Variants in UNC5D observed in about 807,000 individuals in gnomAD.
The protein encoded by UNC5D is netrin receptor UNC5D.
In UNC5D, 39 loss-of-function variants were observed where a neutral mutation model predicts 105.4. The observed-to-expected ratio is 0.37, with a 90% CI of 0.29 to 0.48. UNC5D has a LOEUF of 0.48. UNC5D is among the 20% of genes least tolerant of loss of function. The probability of loss-of-function intolerance (pLI) is 0.98; values close to 1 mark genes in which losing one functional copy is unlikely to be tolerated. For missense variants in UNC5D, 991 were observed against 1,202.4 expected (o/e 0.82, Z 2.60); for synonymous variants, 452 against 450.4 (o/e 1.00, Z -0.04).
In UNC5D at chr8:35,600,108, C is replaced by T. The variant is rs190479502; in HGVS notation, c.570+4451C>T. Among the ~76,000 whole-genome samples, 465 of 152,218 alleles carry T rather than the reference C, an allele frequency of 3.1e-3. 3 individuals carry two copies. Among genetic ancestry groups the T allele is most frequent in the African/African-American group, 0.01 (422 of 41,544 alleles). ...GAGAATGATGGTTTCCAGCTTCATC[C>T]ATGTCCCTACAAAGGACATGAACTC... On this transcript the variant is annotated intron_variant, in intron 4 of 16. Transcript: ENST00000404895.
At chr8:35,324,127 T>C (rs1483914787) in intron 1 of UNC5D, among the ~76,000 whole-genome samples, 1 of 149,522 alleles carries the variant, frequency 6.7e-6, no homozygotes, top group Non-Finnish European at 1.5e-5. Context: ...GTACGTACTA[T>C]AGAGGTGATG....
chr8:35,766,946 G>A lies in UNC5D; in HGVS notation c.2358G>A (p.Leu786=). ...TGTGGTGCAGTAACCGGCAGCCCCT[G>A]CACTGTGCCTTCTCCCTGGAGCGTT... ...SRVWCSNRQP[L]HCAFSLERYT... is the part of the protein sequence containing the mutation. The change falls in exon 15 of 17, where the codon CTG becomes CTA. Residue 786 remains leucine, a synonymous_variant. Coordinates refer to ENST00000404895, the MANE Select transcript of UNC5D (RefSeq NM_080872.4). 6.2e-7 allele frequency: 1 copy of A among 1,614,052 alleles called. No homozygotes were observed. Among genetic ancestry groups the A allele is most frequent in the Non-Finnish European group, 8.5e-7 (1 of 1,179,962 alleles).
chr8:35,678,100 T>C (rs982604833), intron 4 of UNC5D, among the ~76,000 whole-genome samples: 6 of 152,110 alleles, frequency 3.9e-5, no homozygotes, highest in African/African-American at 1.2e-4. Context: ...ATAGTGCCTA[T>C]GAGTGATTGG....
intron 4 of UNC5D, among the ~76,000 whole-genome samples, chr8:35,680,956 A>T (rs1057272389): frequency 6.6e-6 from 1 of 152,216 alleles, no homozygotes; most frequent in African/African-American, 2.4e-5. Flanking sequence ...TTACCCCTGA[A>T]TTTCTGACCT....
intron 3 of UNC5D, among the ~76,000 whole-genome samples, chr8:35,572,300 A>C (rs1205642545): frequency 2.2e-5 from 3 of 139,486 alleles, no homozygotes; most frequent in Non-Finnish European, 3.1e-5. Context: ...AAAAAAAAAA[A>C]CCCACACAAA....
chr8:35,772,584 T>G (rs1347609), intron 15 of UNC5D, among the ~76,000 whole-genome samples: 9,034 of 152,216 alleles, frequency 0.059, 715 homozygotes, highest in African/African-American at 0.17. Flanking sequence ...CAGGCAAGTT[T>G]CTAAGACAAA....
chr8:35,604,290 C>T (rs1319048888), intron 4 of UNC5D, among the ~76,000 whole-genome samples: 1 of 152,108 alleles, frequency 6.6e-6, no homozygotes, highest in Non-Finnish European at 1.5e-5. Flanking sequence ...TTTTATTTCT[C>T]CTTCACTTAT....
chr8:35,486,204 T>C (rs1349140246), intron 1 of UNC5D, among the ~76,000 whole-genome samples: 1 of 152,206 alleles, frequency 6.6e-6, no homozygotes, highest in African/African-American at 2.4e-5. Context: ...TAGATATAAA[T>C]GCCATTTTGG....
intron 1 of UNC5D, among the ~76,000 whole-genome samples, chr8:35,345,432 G>C (rs150300577): frequency 1.3e-5 from 2 of 151,752 alleles, no homozygotes; most frequent in Non-Finnish European, 2.9e-5. Context: ...TGTCATATGG[G>C]GCATTTCTAG....
At chr8:35,335,786 C>A (rs372686905) in intron 1 of UNC5D, among the ~76,000 whole-genome samples, 17 of 78,406 alleles carry the variant, frequency 2.2e-4, no homozygotes, top group African/African-American at 7.6e-4. Context: ...TTTTTTGAGA[C>A]GGAGTGTCGC....
At chr8:35,397,514 G>A (rs984952218) in intron 1 of UNC5D, among the ~76,000 whole-genome samples, 2 of 152,092 alleles carry the variant, frequency 1.3e-5, no homozygotes, top group South Asian at 2.1e-4. Flanking sequence ...CTTGCTTGCC[G>A]GAAGTGTAAT....
intron 1 of UNC5D, among the ~76,000 whole-genome samples, chr8:35,413,697 T>C (rs1386810152): frequency 2.0e-5 from 3 of 152,082 alleles, no homozygotes; most frequent in Admixed American, 2.0e-4. Context: ...TCCAAATTCC[T>C]TGTGATCCAT....
At chr8:35,282,361 C>T (rs1585488283) in intron 1 of UNC5D, among the ~76,000 whole-genome samples, 1 of 152,270 alleles carries the variant, frequency 6.6e-6, no homozygotes, top group Middle Eastern at 3.4e-3. Context: ...GCCTACATTC[C>T]TCTTGTAAGG....
At chr8:35,346,639 AT>A (rs1307835976) in intron 1 of UNC5D, among the ~76,000 whole-genome samples, 1 of 151,974 alleles carries the variant, frequency 6.6e-6, no homozygotes, top group Non-Finnish European at 1.5e-5. Flanking sequence ...TATAACCAAA[AT>A]TTTTATGTTC....
intron 4 of UNC5D, among the ~76,000 whole-genome samples, chr8:35,655,460 G>A (rs543208928): frequency 1.3e-5 from 2 of 152,250 alleles, no homozygotes; most frequent in African/African-American, 4.8e-5. Flanking sequence ...AACTCCTTTT[G>A]TATTTCAGCT....
At chr8:35,596,533 A>G (rs902545845) in intron 4 of UNC5D, among the ~76,000 whole-genome samples, 3 of 152,300 alleles carry the variant, frequency 2.0e-5, no homozygotes, top group East Asian at 1.9e-4. Context: ...ATGCGTGCCC[A>G]TGACACAGCC....
intron 1 of UNC5D, among the ~76,000 whole-genome samples, chr8:35,385,622 C>G (rs933994677): frequency 6.6e-6 from 1 of 152,020 alleles, no homozygotes; most frequent in African/African-American, 2.4e-5. Context: ...CCCGCCACCA[C>G]GCCTGGAGAA....
intron 1 of UNC5D, among the ~76,000 whole-genome samples, chr8:35,336,712 G>A (rs1266184788): frequency 5.9e-5 from 9 of 151,950 alleles, no homozygotes; most frequent in Non-Finnish European, 1.0e-4. Flanking sequence ...CCTTTCAAAT[G>A]TGGAATAATA....
intron 1 of UNC5D, among the ~76,000 whole-genome samples, chr8:35,533,362 G>T (rs1478070101): frequency 6.6e-6 from 1 of 152,010 alleles, no homozygotes; most frequent in Non-Finnish European, 1.5e-5. Context: ...GCTGCTCGGG[G>T]GTCAGGGGTC....
Sources: allele counts gnomAD v4.1 joint callset (sites outside exome capture counted in the v4.1 genomes callset), GRCh38; gene constraint gnomAD v4.1.1; transcripts MANE v1.5; gene names NCBI Gene and HGNC (gene_info 2026-07-23, HGNC 2026-07-21).